The following RERE variants were observed in gnomAD, a reference collection of about 807,000 sequenced individuals.
RERE encodes arginine-glutamic acid dipeptide repeats, also known as arginine-glutamic acid dipeptide repeats protein.
In RERE, 40 loss-of-function variants were observed where a neutral mutation model predicts 146.1. The ratio of observed to expected loss-of-function variants is 0.27; its 90% CI spans 0.21 to 0.36. The LOEUF (loss-of-function observed/expected upper bound fraction) is 0.36, where lower values mean the gene tolerates loss of function less well. Among genes scored for constraint, RERE ranks in the 10% least tolerant of loss-of-function variants. RERE has a pLI of 1.00. For synonymous variants in RERE, 1,003 were observed against 866.0 expected (o/e 1.16, Z -2.78); for missense variants, 1,933 against 2,138.7 (o/e 0.90, Z 1.90).
rs142770763 is a variant in RERE at position 8,774,294 on chromosome 1, T to G, written c.-145+42866A>C. Among the ~76,000 whole-genome samples the G allele has an allele frequency of 4.3e-4, 66 of 152,246 alleles. 1 individual carries two copies. Among genetic ancestry groups the G allele is most frequent in the Non-Finnish European group, 7.9e-4 (54 of 68,026 alleles). On this transcript the variant is annotated intron_variant, in intron 1 of 22. Transcript: ENST00000400908. ...AGATTTCACTTCTACTTTCTCTGGT[T>G]TATACTCACTGCTTGTAGGAATTTA...
At chr1:8,493,524 AC>A (rs1645005120) in intron 10 of RERE, among the ~76,000 whole-genome samples, 1 of 152,190 alleles carries the variant, frequency 6.6e-6, no homozygotes, top group Admixed American at 6.5e-5. Context: ...GCAGATATCT[AC>A]GTTTCCTCAA....
chr1:8,430,328 C>A (rs17032569), intron 11 of RERE, among the ~76,000 whole-genome samples: 4,046 of 152,238 alleles, frequency 0.027, 193 homozygotes, highest in African/African-American at 0.093. Context: ...GGGGCATTTC[C>A]AAAATTTCCA....
At chr1:8,702,104 A>G (rs927162904) in intron 1 of RERE, among the ~76,000 whole-genome samples, 25 of 151,906 alleles carry the variant, frequency 1.6e-4, no homozygotes, top group African/African-American at 5.3e-4. Flanking sequence ...TCAAAACAGT[A>G]ATTTTGGCAC....
intron 10 of RERE, among the ~76,000 whole-genome samples, chr1:8,466,555 C>T (rs531506891): frequency 6.6e-6 from 1 of 152,152 alleles, no homozygotes; most frequent in South Asian, 2.1e-4. Flanking sequence ...CGCAAAGCAG[C>T]GTAAAGTCAC....
chr1:8,361,871 C>T lies in RERE; in HGVS notation c.1908G>A (p.Val636=), dbSNP rs2124370511. The part of the protein sequence containing the change: ...AETVKKSAKK[V]KEEASSPLKS... The stretch of plus-strand genomic sequence containing the variant: ...TAAGAGGGGAAGAGGCTTCCTCCTT[C>T]ACCTTCTGCAGGGGAAAAGCCCACA... The change falls in exon 17 of 23, where the codon GTG becomes GTA. Residue 636 remains valine, a synonymous_variant. Coordinates refer to ENST00000400908, the MANE Select transcript of RERE (RefSeq NM_001042681.2). 3 of 1,612,134 alleles carry T rather than the reference C, an allele frequency of 1.9e-6. No homozygotes were observed. Among genetic ancestry groups the T allele is most frequent in the Middle Eastern group, 1.7e-4 (1 of 6,042 alleles).
rs902919561 is a variant in RERE at position 8,423,686 on chromosome 1, G to A, written c.1204-879C>T. 2.8e-5 allele frequency: 28 copies of A among 983,082 alleles called. No homozygotes were observed. The highest frequency in any genetic ancestry group is 4.7e-5 in the South Asian group (1 of 21,330). 60.9% of individuals were successfully genotyped at this position (983,082 alleles called of 1,614,324 possible). ...CGGCTCCACAAAGCGCAGGGCGGAG[G>A]CGGCCGCGGGTGGCTCGGCGTGTGA... On this transcript the variant is annotated intron_variant, in intron 11 of 22. Transcript: ENST00000400908. This position sits in a 1 kb window ranked among gnomAD's most constrained non-coding sequence, Gnocchi z 5.4.
chr1:8,698,817 C>G (rs1639388552), intron 1 of RERE, among the ~76,000 whole-genome samples: 2 of 152,028 alleles, frequency 1.3e-5, no homozygotes, highest in African/African-American at 4.8e-5. Context: ...TGCACCTGGC[C>G]CCAACACTTT....
At chr1:8,663,813 C>T (rs932024183) in intron 1 of RERE, among the ~76,000 whole-genome samples, 5 of 152,142 alleles carry the variant, frequency 3.3e-5, no homozygotes, top group African/African-American at 1.2e-4. Context: ...TCCACCCCTC[C>T]TGCATGCTCC....
chr1:8,773,421 C>T (rs915742845), intron 1 of RERE, among the ~76,000 whole-genome samples: 21 of 152,254 alleles, frequency 1.4e-4, no homozygotes, highest in African/African-American at 4.8e-4. Context: ...TGGCCGGGTA[C>T]GGTGGCTCAC....
intron 7 of RERE, among the ~76,000 whole-genome samples, chr1:8,520,645 C>T (rs953959542): frequency 6.6e-6 from 1 of 151,184 alleles, no homozygotes; most frequent in Non-Finnish European, 1.5e-5. Context: ...AACAACATTC[C>T]ACCACAGGCT....
Position 8,805,909 on chromosome 1 carries a change from T to C in RERE, c.-145+11251A>G, listed in dbSNP as rs907750750. On this transcript the variant is annotated intron_variant, in intron 1 of 22. Transcript: ENST00000400908. ...ACTTGTTTTCCAGGCTGGAGTGCAA[T>C]GGCGCGATTTCAGCTCACTGCAACC... 6 of 137,002 alleles carry C rather than the reference T, an allele frequency of 4.4e-5. No homozygotes were observed. The East Asian group carries it at 1.4e-3, about 31-fold the overall frequency. 8.5% of individuals were successfully genotyped at this position (137,002 alleles called of 1,614,324 possible).
chr1:8,480,533 T>C (rs1309639515), intron 10 of RERE, among the ~76,000 whole-genome samples: 1 of 151,698 alleles, frequency 6.6e-6, no homozygotes, highest in Non-Finnish European at 1.5e-5. Flanking sequence ...CCTCCCAGGT[T>C]CAAGCAATTC....
intron 12 of RERE, among the ~76,000 whole-genome samples, chr1:8,404,610 A>G (rs1643386398): frequency 6.6e-6 from 1 of 152,218 alleles, no homozygotes; most frequent in African/African-American, 2.4e-5. Context: ...AGTGTCCCAC[A>G]GATTCTAATC....
In RERE at chr1:8,520,298, G is replaced by T. The variant is rs559136717; in HGVS notation, c.831-11623C>A. On this transcript the variant is annotated intron_variant, in intron 7 of 22. Coordinates refer to ENST00000400908, the MANE Select transcript of RERE (RefSeq NM_001042681.2). Reference sequence around the variant, plus strand: ...GGAAAGAAAAGTGCTCTTTTAAGGGGTCACACTGAGTTAATTACTGAAGAA... The same window carrying T: ...GGAAAGAAAAGTGCTCTTTTAAGGGTTCACACTGAGTTAATTACTGAAGAA... 3.3e-5 allele frequency among the ~76,000 whole-genome samples: 5 copies of T among 152,192 alleles called. No individual in the cohort carries two copies. The East Asian group carries it at 5.8e-4, about 18-fold the overall frequency.
intron 7 of RERE, among the ~76,000 whole-genome samples, chr1:8,536,554 G>A (rs1478494761): frequency 1.3e-5 from 2 of 152,112 alleles, no homozygotes; most frequent in Non-Finnish European, 2.9e-5. Context: ...ATGCACCTAA[G>A]GCCTCCTAAC....
intron 1 of RERE, among the ~76,000 whole-genome samples, chr1:8,747,281 A>G (rs1640442128): frequency 6.6e-6 from 1 of 152,000 alleles, no homozygotes; most frequent in South Asian, 2.1e-4. Flanking sequence ...GATTACAGGC[A>G]TGAGCCACCG....
chr1:8,442,436 C>T (rs1644261804), intron 11 of RERE, among the ~76,000 whole-genome samples: 1 of 150,552 alleles, frequency 6.6e-6, no homozygotes, highest in African/African-American at 2.4e-5. Context: ...ATAGTTCTTG[C>T]TCCTCCTTTC....
chr1:8,642,518 G>T (rs1205399666), intron 2 of RERE, among the ~76,000 whole-genome samples: 3 of 152,154 alleles, frequency 2.0e-5, no homozygotes, highest in Non-Finnish European at 1.5e-5. Context: ...CTTGAGGTTT[G>T]TGTTAATAGA....
rs866520058 is a variant in RERE, at chr1:8,506,852, T to C, written c.879+1775A>G. Among the ~76,000 whole-genome samples the C allele has an allele frequency of 1.6e-4, 24 of 152,302 alleles. No individual in the cohort carries two copies. The Middle Eastern group carries it at 0.02, about 130-fold the overall frequency. ...TTATGTGCACTGAGAAAGGATAAAA[T>C]ATAGCCAATAAATTATAACCACACC... On this transcript the variant is annotated intron_variant, in intron 8 of 22. Transcript: ENST00000400908.
Sources: gnomAD v4.1 joint callset for allele counts (sites outside exome capture counted in the v4.1 genomes callset) on GRCh38, gnomAD v4.1.1 for gene constraint, Gnocchi (gnomAD v3.1) non-coding constraint, MANE v1.5 for transcripts, NCBI Gene and HGNC (gene_info 2026-07-23, HGNC 2026-07-21) for gene names.